DOCK2: variants seen among roughly 807,000 people sequenced by gnomAD.
DOCK2 encodes the protein dedicator of cytokinesis protein 2.
DOCK2 carries 87 observed loss-of-function variants against 248.9 expected under a neutral mutation model. The ratio of observed to expected loss-of-function variants is 0.35; its 90% confidence interval spans 0.29 to 0.42. The LOEUF (loss-of-function observed/expected upper bound fraction) is 0.42. Among genes scored for constraint, DOCK2 ranks in the 10% least tolerant of loss-of-function variants. The pLI is 1.00. For synonymous variants in DOCK2, 805 were observed against 821.6 expected (o/e 0.98, Z 0.35); for missense variants, 1,747 against 2,300.2 (o/e 0.76, Z 4.92).
At chr5:169,812,029 T>A (rs1242421952) in intron 26 of DOCK2, among the ~76,000 whole-genome samples, 1 of 152,216 alleles carries the variant, frequency 6.6e-6, no homozygotes, top group Non-Finnish European at 1.5e-5. Context: ...CTGCTGTTAT[T>A]AGCTGTGGGA....
intron 25 of DOCK2, 111 bp from the exon 26 acceptor site, chr5:169,802,947 G>A: frequency 7.8e-7 from 1 of 1,288,008 alleles, no homozygotes; most frequent in Non-Finnish European, 1.1e-6. Context: ...TTTTTTACAA[G>A]GAGAATGTCT....
intron 27 of DOCK2, among the ~76,000 whole-genome samples, chr5:169,919,546 C>CA (rs1775060089): frequency 6.6e-6 from 1 of 152,196 alleles, no homozygotes; most frequent in South Asian, 2.1e-4. Context: ...CTCCAGCATG[C>CA]ATTTCTTTGA....
At chr5:169,952,535 A>G (rs1217505684) in intron 27 of DOCK2, among the ~76,000 whole-genome samples, 1 of 152,174 alleles carries the variant, frequency 6.6e-6, no homozygotes, top group Non-Finnish European at 1.5e-5. Flanking sequence ...CTGAGCCCAG[A>G]AACCTCCCAG....
At chr5:169,781,515 T>C (rs996309699) in intron 25 of DOCK2, among the ~76,000 whole-genome samples, 5 of 152,216 alleles carry the variant, frequency 3.3e-5, no homozygotes, top group African/African-American at 7.2e-5. Context: ...CAGGACAGCA[T>C]AGAACAAGAG....
intron 1 of DOCK2, among the ~76,000 whole-genome samples, chr5:169,645,424 T>C (rs1757405138): frequency 6.6e-6 from 1 of 152,260 alleles, no homozygotes; most frequent in Admixed American, 6.5e-5. Flanking sequence ...ATGTCTTCTT[T>C]CTAGAAGTGT....
intron 2 of DOCK2, among the ~76,000 whole-genome samples, chr5:169,656,026 G>C (rs1581393979): frequency 6.6e-6 from 1 of 152,224 alleles, no homozygotes; most frequent in Non-Finnish European, 1.5e-5. Context: ...CTGGAGGAGA[G>C]GGGTGGAGAC....
chr5:169,705,665 T>C (rs1251386639), intron 14 of DOCK2, among the ~76,000 whole-genome samples: 1 of 152,242 alleles, frequency 6.6e-6, no homozygotes, highest in Non-Finnish European at 1.5e-5. Flanking sequence ...GCTCCCAGCC[T>C]GATTCCTACC....
chr5:169,684,183 T>C lies in DOCK2; in HGVS notation c.607-13T>C, dbSNP rs1376440198. ...TTTCTCCATCTTCTTTCCTTCTTCC[T>C]TCTGCCTTTCAGTCAAAAGACCAGC... On this transcript the variant is annotated splice_polypyrimidine_tract_variant and intron_variant, in intron 7 of 51. Transcript: ENST00000520908. The C allele has an allele frequency of 1.2e-6, 2 of 1,613,504 alleles. No individual in the cohort carries two copies. Among genetic ancestry groups the C allele is most frequent in the East Asian group, 4.5e-5 (2 of 44,870 alleles).
chr5:169,877,568 G>C (rs59182987), intron 27 of DOCK2, among the ~76,000 whole-genome samples: 3,010 of 152,266 alleles, frequency 0.02, 101 homozygotes, highest in African/African-American at 0.069. Flanking sequence ...TAATTTTGTG[G>C]TGAAATAGGT....
At position 169,656,393 on chromosome 5, in the gene DOCK2, G is replaced by A. The variant is rs570028699; in HGVS notation, c.127+1907G>A. The stretch of plus-strand genomic sequence containing the variant: ...AGCTGGAGTGCAGTGATGCGATCTC[G>A]GCTCACTGCAGCCTCCGCCTCCCAG... On this transcript the variant is annotated intron_variant, in intron 2 of 51. Transcript: ENST00000520908. 2.6e-5 allele frequency among the ~76,000 whole-genome samples: 4 copies of A among 151,480 alleles called. No individual in the cohort carries two copies. In the South Asian group the frequency reaches 8.3e-4, roughly 32 times the overall value.
intron 27 of DOCK2, among the ~76,000 whole-genome samples, chr5:169,882,080 A>T (rs1484571076): frequency 6.6e-6 from 1 of 152,196 alleles, no homozygotes; most frequent in Admixed American, 6.5e-5. Flanking sequence ...CCAGCCCGTC[A>T]TCAAAGTAGT....
rs543346900 is a variant in DOCK2 at position 169,812,224 on chromosome 5, G to A, written c.2703+9018G>A. 5.3e-5 allele frequency among the ~76,000 whole-genome samples: 8 copies of A among 152,314 alleles called. No homozygotes were observed. The East Asian group carries it at 1.2e-3, about 22-fold the overall frequency. On this transcript the variant is annotated intron_variant, in intron 26 of 51. Transcript: ENST00000520908. ...TGAGCTCCGCCTCCTTCAGATCAGC[G>A]ACGGCATTAAATTCTCATAGGAACG...
chr5:169,744,459 C>G (rs1214386861), intron 22 of DOCK2, among the ~76,000 whole-genome samples: 2 of 152,206 alleles, frequency 1.3e-5, no homozygotes, highest in East Asian at 3.8e-4. Flanking sequence ...CCCAGCAGCT[C>G]TTGGTTTCAA....
At chr5:169,983,252 CTATCACA>C in intron 28 of DOCK2, 86 bp downstream of exon 28, 7 of 1,373,174 alleles carry the variant, frequency 5.1e-6, no homozygotes, top group Non-Finnish European at 7.3e-6. Flanking sequence ...ACCTGCCTGT[CTATCACA>C]TAATCTAGAT....
chr5:169,684,105 G>A, intron 7 of DOCK2, 91 bp from the exon 8 acceptor site: 6 of 1,510,248 alleles, frequency 4.0e-6, no homozygotes, highest in Middle Eastern at 1.7e-4. Context: ...CTTTAGGCTT[G>A]AACCCAATAT....
chr5:169,926,237 C>T (rs192512584), intron 27 of DOCK2, among the ~76,000 whole-genome samples: 303 of 152,300 alleles, frequency 2.0e-3, no homozygotes, highest in Non-Finnish European at 3.3e-3. Flanking sequence ...GGGGAAGCCA[C>T]TCACCTGATT....
rs1761377645 is a variant in DOCK2, at chr5:169,708,149, C to T, written c.1384-20C>T. 6.2e-7 allele frequency: 1 copy of T among 1,611,938 alleles called. No individual in the cohort carries two copies. The highest frequency in any genetic ancestry group is 2.2e-5 in the East Asian group (1 of 44,768). The stretch of plus-strand genomic sequence containing the variant: ...GACAATTCTGTAGTCTTTTCCCTCA[C>T]TTTGTTTTTCTTGGGTCAGAATGCA... On this transcript the variant is annotated intron_variant, in intron 14 of 51. Coordinates refer to ENST00000520908, the MANE Select transcript of DOCK2 (RefSeq NM_004946.3).
intron 9 of DOCK2, among the ~76,000 whole-genome samples, chr5:169,694,604 G>T (rs1339689466): frequency 2.0e-5 from 3 of 152,212 alleles, no homozygotes; most frequent in Non-Finnish European, 4.4e-5. Context: ...ATGTACTTCA[G>T]AGATGTGAGA....
At chr5:169,909,209 A>G (rs758988678) in intron 27 of DOCK2, among the ~76,000 whole-genome samples, 2 of 152,238 alleles carry the variant, frequency 1.3e-5, no homozygotes, top group African/African-American at 4.8e-5. Flanking sequence ...CTTGTACCAC[A>G]TGAAGCTATC....
Sources: allele counts gnomAD v4.1 joint callset (sites outside exome capture counted in the v4.1 genomes callset), GRCh38; gene constraint gnomAD v4.1.1; transcripts MANE v1.5; gene names NCBI Gene and HGNC (gene_info 2026-07-23, HGNC 2026-07-21).